Variants in CTNNA3 observed in about 807,000 individuals in gnomAD.
CTNNA3 encodes the protein catenin alpha-3.
Under a neutral mutation model 95.7 loss-of-function variants are expected in CTNNA3, and 76 were observed. The ratio of observed to expected loss-of-function variants is 0.79; its 90% CI spans 0.66 to 0.96. The LOEUF is 0.96. Ranked by LOEUF, CTNNA3 falls within the 40% of genes least tolerant of loss-of-function variation. The pLI, the probability that CTNNA3 is intolerant of heterozygous loss-of-function variation, is 0.00. For missense variants in CTNNA3, 1,191 were observed against 1,089.8 expected (o/e 1.09, Z -1.31); for synonymous variants, 431 against 374.4 (o/e 1.15, Z -1.74).
intron 5 of CTNNA3, among the ~76,000 whole-genome samples, chr10:67,459,863 T>G (rs1164008127): frequency 6.6e-6 from 1 of 151,236 alleles, no homozygotes; most frequent in Non-Finnish European, 1.5e-5. Context: ...CCAAGCATGC[T>G]CCAAGAATCT....
intron 13 of CTNNA3, among the ~76,000 whole-genome samples, chr10:66,182,681 T>A: frequency 6.6e-6 from 1 of 152,188 alleles, no homozygotes; most frequent in Non-Finnish European, 1.5e-5. Context: ...ATCTGTCTAC[T>A]TTTTAACAAC....
chr10:67,166,849 G>A (rs1483019216), intron 7 of CTNNA3, among the ~76,000 whole-genome samples: 1 of 152,216 alleles, frequency 6.6e-6, no homozygotes, highest in East Asian at 1.9e-4. Context: ...GCTCATGCCT[G>A]TAATCCCAGA....
chr10:66,007,601 A>T (rs2078913387), intron 15 of CTNNA3, among the ~76,000 whole-genome samples: 1 of 152,150 alleles, frequency 6.6e-6, no homozygotes, highest in Non-Finnish European at 1.5e-5. Flanking sequence ...AAATAGACTA[A>T]CACCATACTT....
At chr10:67,442,329 T>G (rs989392616) in intron 5 of CTNNA3, among the ~76,000 whole-genome samples, 1 of 151,052 alleles carries the variant, frequency 6.6e-6, no homozygotes, top group Non-Finnish European at 1.5e-5. Context: ...AGAAAACAAA[T>G]AACAAAATAA....
intron 7 of CTNNA3, among the ~76,000 whole-genome samples, 157 bp from the exon 8 acceptor site, chr10:66,775,681 C>G (rs577422515): frequency 1.2e-3 from 179 of 152,264 alleles, no homozygotes; most frequent in Non-Finnish European, 2.0e-3. Flanking sequence ...TCACTTAAGA[C>G]TAAGTAGAAT....
intron 9 of CTNNA3, among the ~76,000 whole-genome samples, chr10:66,711,899 T>C (rs12784054): frequency 6.6e-6 from 1 of 152,138 alleles, no homozygotes; most frequent in South Asian, 2.1e-4. Context: ...ACCTTTCTTG[T>C]GTTTTTACTA....
intron 12 of CTNNA3, among the ~76,000 whole-genome samples, chr10:66,376,381 G>T (rs1486912575): frequency 6.6e-6 from 1 of 152,036 alleles, no homozygotes; most frequent in Admixed American, 6.6e-5. Context: ...GCTTCTATCT[G>T]GGTGAAATGT....
At chr10:66,497,225 GAAGAA>G (rs1236718891) in intron 11 of CTNNA3, among the ~76,000 whole-genome samples, 1 of 151,878 alleles carries the variant, frequency 6.6e-6, no homozygotes, top group Non-Finnish European at 1.5e-5. Flanking sequence ...ACATAATAGA[GAAGAA>G]AATATATAAA....
intron 10 of CTNNA3, among the ~76,000 whole-genome samples, chr10:66,536,753 A>G (rs2132065275): frequency 6.6e-6 from 1 of 152,262 alleles, no homozygotes; most frequent in Admixed American, 6.5e-5. Flanking sequence ...AATGGATGAT[A>G]GAGTAGATTA....
Position 65,966,602 on chromosome 10 carries a change from C to G in CTNNA3, c.2400+10G>C. The G allele has an allele frequency of 6.2e-7, 1 of 1,611,928 alleles. No homozygotes were observed. The highest frequency in any genetic ancestry group is 8.5e-7 in the Non-Finnish European group (1 of 1,178,540). On this transcript the variant is annotated intron_variant, in intron 17 of 17. Transcript: ENST00000433211. ...CACCTGTGATCATGTAAGTGCTAGG[C>G]AGTACTCACAGCTGACATGATGAGC...
rs1197723494 is a variant in CTNNA3, at chr10:66,019,727, A to C, written c.2160-30930T>G. Among the ~76,000 whole-genome samples the C allele has an allele frequency of 4.4e-5, 5 of 114,470 alleles. No homozygotes were observed. In the South Asian group the frequency reaches 7.5e-4, roughly 17 times the overall value. 75.1% of individuals were successfully genotyped at this position (114,470 alleles called of 152,430 possible). A position where few individuals can be genotyped will look rare whatever the true frequency, so the allele number is the denominator to read the frequency against. On this transcript the variant is annotated intron_variant, in intron 15 of 17. Transcript: ENST00000433211. ...CAAAATTTAAATAAAAGAAATGGGCAAAAAAAATAGTTAAAAAATTGCTTA... is the reference window on the plus strand; with the variant it reads ...CAAAATTTAAATAAAAGAAATGGGCCAAAAAAATAGTTAAAAAATTGCTTA...
intron 7 of CTNNA3, among the ~76,000 whole-genome samples, chr10:67,123,918 G>C (rs937658558): frequency 6.6e-6 from 1 of 152,148 alleles, no homozygotes; most frequent in Admixed American, 6.5e-5. Context: ...GACAAGGAGA[G>C]AAAAACTAGA....
intron 11 of CTNNA3, among the ~76,000 whole-genome samples, chr10:66,385,606 C>G (rs1170208582): frequency 1.3e-5 from 2 of 152,112 alleles, no homozygotes; most frequent in Non-Finnish European, 2.9e-5. Context: ...CCAGCATCAT[C>G]CTGATACCAA....
intron 10 of CTNNA3, among the ~76,000 whole-genome samples, chr10:66,581,725 G>A (rs1041630699): frequency 6.6e-6 from 1 of 151,548 alleles, no homozygotes. Context: ...GCCTATGCTG[G>A]TGTCCAGAAG....
chr10:66,066,350 C>T (rs565252583), intron 15 of CTNNA3, among the ~76,000 whole-genome samples: 3 of 152,168 alleles, frequency 2.0e-5, no homozygotes, highest in Non-Finnish European at 4.4e-5. Context: ...TAGTTTTGTT[C>T]CTATACAGGC....
chr10:66,000,702 A>G (rs896668248), intron 15 of CTNNA3, among the ~76,000 whole-genome samples: 3 of 152,146 alleles, frequency 2.0e-5, no homozygotes, highest in African/African-American at 4.8e-5. Flanking sequence ...TAGCACATTC[A>G]GCATTTTCTG....
At chr10:66,047,429 C>A (rs1173579179) in intron 15 of CTNNA3, among the ~76,000 whole-genome samples, 1 of 152,078 alleles carries the variant, frequency 6.6e-6, no homozygotes, top group Non-Finnish European at 1.5e-5. Context: ...AAATTCAACA[C>A]CCTTTCATGT....
At chr10:67,319,829 G>A (rs1365569849) in intron 5 of CTNNA3, among the ~76,000 whole-genome samples, 1 of 148,918 alleles carries the variant, frequency 6.7e-6, no homozygotes, top group Non-Finnish European at 1.5e-5. Context: ...CTGGGAGGTG[G>A]AGGTTCCAGT....
chr10:66,776,453 G>A lies in CTNNA3; in HGVS notation c.1048-929C>T, dbSNP rs961511630. 4.6e-5 allele frequency among the ~76,000 whole-genome samples: 7 copies of A among 152,126 alleles called. No individual in the cohort carries two copies. The East Asian group carries it at 9.6e-4, about 21-fold the overall frequency. On this transcript the variant is annotated intron_variant, in intron 7 of 17. Transcript: ENST00000433211. ...GACACTGAGGCCAAGTATAAACCAC[G>A]AGGAAGCATGTCTGACACTTTCCCC...
Sources: gnomAD v4.1 joint callset for allele counts (sites outside exome capture counted in the v4.1 genomes callset) on GRCh38, gnomAD v4.1.1 for gene constraint, MANE v1.5 for transcripts, NCBI Gene and HGNC (gene_info 2026-07-23, HGNC 2026-07-21) for gene names.